Variants in UBAC2 observed in about 807,000 individuals in gnomAD.
UBAC2 encodes ubiquitin-associated domain-containing protein 2.
A neutral mutation model predicts 44.0 loss-of-function variants in UBAC2; 26 were observed. The observed-to-expected ratio is 0.59, with a 90% CI of 0.43 to 0.82. The LOEUF (loss-of-function observed/expected upper bound fraction) is 0.82. Among genes scored for constraint, UBAC2 ranks in the 40% least tolerant of loss-of-function variants. UBAC2 has a pLI of 0.00. For missense variants in UBAC2, 329 were observed against 419.4 expected (o/e 0.78, Z 1.88); for synonymous variants, 155 against 154.3 (o/e 1.00, Z -0.04).
chr13:99,238,318 T>C, intron 1 of UBAC2, 109 bp from the exon 2 acceptor site: 1 of 1,405,850 alleles, frequency 7.1e-7, no homozygotes, highest in South Asian at 1.4e-5. Context: ...GTTTCTGGAC[T>C]TTGTCTTCAT....
intron 6 of UBAC2, among the ~76,000 whole-genome samples, chr13:99,322,117 T>C (rs539023349): frequency 2.6e-5 from 4 of 152,252 alleles, no homozygotes; most frequent in Non-Finnish European, 5.9e-5. Flanking sequence ...AAGTGACATA[T>C]ATCAGTTTAA....
At chr13:99,339,625 A>G (rs148251554) in intron 6 of UBAC2, among the ~76,000 whole-genome samples, 1,597 of 144,630 alleles carry the variant, frequency 0.011, 24 homozygotes, top group South Asian at 0.071. Flanking sequence ...CCTAAGAATC[A>G]AATTCACATC....
In UBAC2 at chr13:99,352,023, CT is replaced by C. The variant is rs2045100025; in HGVS notation, c.807+11459del. 2.0e-5 allele frequency among the ~76,000 whole-genome samples: 3 copies of C among 152,310 alleles called. No individual in the cohort carries two copies. In the South Asian group the frequency reaches 6.2e-4, roughly 32 times the overall value. On this transcript the variant is annotated intron_variant, in intron 7 of 8. Coordinates refer to ENST00000403766, the MANE Select transcript of UBAC2 (RefSeq NM_001144072.2). ...TTCTGTGGCTGTGAAAATTGTTTCTCTCTTTATCCTCCCCCAGCAACAGCCA... is the reference window on the plus strand; with the variant it reads ...TTCTGTGGCTGTGAAAATTGTTTCTCCTTTATCCTCCCCCAGCAACAGCCA...
At chr13:99,249,661 G>A (rs2043433840) in intron 4 of UBAC2, among the ~76,000 whole-genome samples, 1 of 152,192 alleles carries the variant, frequency 6.6e-6, no homozygotes, top group Non-Finnish European at 1.5e-5. Flanking sequence ...CCCACCAACA[G>A]TGTATAAGTG....
intron 1 of UBAC2, among the ~76,000 whole-genome samples, chr13:99,235,173 T>C (rs1372642733): frequency 6.6e-6 from 1 of 152,202 alleles, no homozygotes; most frequent in African/African-American, 2.4e-5. Flanking sequence ...GTTAACACTT[T>C]TAGCCTCTTT....
intron 4 of UBAC2, among the ~76,000 whole-genome samples, chr13:99,306,138 C>T (rs572960360): frequency 5.9e-5 from 9 of 152,200 alleles, no homozygotes; most frequent in East Asian, 5.8e-4. Context: ...TCAGGTGATC[C>T]GCCTGCCTCG....
intron 1 of UBAC2, among the ~76,000 whole-genome samples, chr13:99,204,371 A>C (rs994290817): frequency 6.6e-6 from 1 of 152,136 alleles, no homozygotes; most frequent in Non-Finnish European, 1.5e-5. Flanking sequence ...TCTGGGAGGG[A>C]CAGAGCCTGG....
At chr13:99,287,549 G>C (rs2066573447) in intron 4 of UBAC2, among the ~76,000 whole-genome samples, 1 of 151,460 alleles carries the variant, frequency 6.6e-6, no homozygotes, top group Admixed American at 6.6e-5. Context: ...ACCAGCCTCA[G>C]TTCTTTCTGA....
In UBAC2 at chr13:99,385,751, C is replaced by T. The variant is rs1226511674; in HGVS notation, c.*416C>T. On this transcript the variant is annotated 3_prime_UTR_variant, in exon 9 of 9. Transcript: ENST00000403766. Reference sequence around the variant, plus strand: ...TACTTCACAAAGGACATGTCAGATCCTTCTTCATGGACTTTTTTAGTTACT... The same window carrying T: ...TACTTCACAAAGGACATGTCAGATCTTTCTTCATGGACTTTTTTAGTTACT... 6.0e-6 allele frequency: 1 copy of T among 167,742 alleles called. No homozygotes were observed. The highest frequency in any genetic ancestry group is 1.3e-5 in the Non-Finnish European group (1 of 76,784). The allele number at this position is 167,742 out of a possible 1,614,324, so 10.4% of individuals were successfully genotyped here. A position where few individuals can be genotyped will look rare whatever the true frequency, so the allele number is the denominator to read the frequency against.
At chr13:99,258,645 C>G (rs1341857155) in intron 4 of UBAC2, 1 of 152,172 alleles carries the variant, frequency 6.6e-6, no homozygotes, top group South Asian at 2.1e-4. Flanking sequence ...AGCTTCTTTG[C>G]TTTATAAGCT....
At chr13:99,338,021 A>T (rs1430126501) in intron 6 of UBAC2, among the ~76,000 whole-genome samples, 1 of 136,486 alleles carries the variant, frequency 7.3e-6, no homozygotes, top group Non-Finnish European at 1.6e-5. Context: ...ATTGCAAAAA[A>T]ATCTCCTAAC....
chr13:99,265,224 T>C (rs2043726873), intron 4 of UBAC2, among the ~76,000 whole-genome samples: 1 of 152,246 alleles, frequency 6.6e-6, no homozygotes, highest in South Asian at 2.1e-4. Flanking sequence ...TTCTTATTGC[T>C]AATACCATTT....
At chr13:99,215,423 TG>T in intron 1 of UBAC2, 1 of 1,332,438 alleles carries the variant, frequency 7.5e-7, no homozygotes, top group Non-Finnish European at 1.1e-6. Flanking sequence ...TGTGGATGTG[TG>T]GAATGACACC....
At chr13:99,257,567 G>A (rs1275090256) in intron 4 of UBAC2, among the ~76,000 whole-genome samples, 2 of 152,110 alleles carry the variant, frequency 1.3e-5, no homozygotes, top group Non-Finnish European at 2.9e-5. Context: ...AATGAGTGAT[G>A]CATGTGTTTT....
intron 1 of UBAC2, among the ~76,000 whole-genome samples, chr13:99,218,227 A>C (rs372311398): frequency 6.6e-5 from 10 of 152,156 alleles, no homozygotes; most frequent in African/African-American, 2.4e-4. Flanking sequence ...TGTTTGTATA[A>C]AATCTCCCTA....
chr13:99,320,814 A>G (rs1239635748), intron 6 of UBAC2, among the ~76,000 whole-genome samples: 2 of 152,258 alleles, frequency 1.3e-5, no homozygotes, highest in Non-Finnish European at 2.9e-5. Flanking sequence ...CACACCACTG[A>G]CTATAGGATC....
Position 99,282,297 on chromosome 13 carries a change from GAGTT to G in UBAC2, c.390-31797_390-31794del, listed in dbSNP as rs1566483842. ...TGGGTGGTAGATAGAACCCTGGAAA[GAGTT>G]AGCCCACACCCTTGAGGAGCTCATG... On this transcript the variant is annotated intron_variant, in intron 4 of 8. Coordinates refer to ENST00000403766, the MANE Select transcript of UBAC2 (RefSeq NM_001144072.2). Among the ~76,000 whole-genome samples the G allele has an allele frequency of 3.3e-5, 5 of 152,334 alleles. No homozygotes were observed. In the South Asian group the frequency reaches 1.0e-3, roughly 32 times the overall value.
At chr13:99,274,964 C>T (rs185795262) in intron 4 of UBAC2, among the ~76,000 whole-genome samples, 2 of 152,246 alleles carry the variant, frequency 1.3e-5, no homozygotes, top group East Asian at 3.9e-4. Context: ...GCAGTCCTCC[C>T]ACCTCCACCT....
chr13:99,318,260 C>T (rs1490924753), intron 6 of UBAC2, among the ~76,000 whole-genome samples, 191 bp downstream of exon 6: 4 of 151,978 alleles, frequency 2.6e-5, no homozygotes, highest in East Asian at 1.9e-4. Flanking sequence ...CTCTGCCTCC[C>T]GGATTCGAGT....
Sources: allele counts gnomAD v4.1 joint callset (sites outside exome capture counted in the v4.1 genomes callset), GRCh38; gene constraint gnomAD v4.1.1; transcripts MANE v1.5; gene names NCBI Gene and HGNC (gene_info 2026-07-23, HGNC 2026-07-21).